The following PKN2 variants were observed in gnomAD, a reference collection of about 807,000 sequenced individuals.
The protein encoded by PKN2 is protein kinase N2, also known as serine/threonine-protein kinase N2.
PKN2 carries 38 observed loss-of-function variants against 119.1 expected under a neutral mutation model. The observed-to-expected ratio is 0.32, with a 90% CI of 0.25 to 0.42. PKN2 has a LOEUF of 0.42. Ranked by LOEUF, PKN2 falls within the 10% of genes least tolerant of loss-of-function variation. The probability of loss-of-function intolerance (pLI) is 1.00; values close to 1 mark genes in which losing one functional copy is unlikely to be tolerated. For missense variants in PKN2, 850 were observed against 1,165.1 expected, an observed-to-expected ratio of 0.73 and a Z score of 3.94; for synonymous variants, 390 against 384.9, an observed-to-expected ratio of 1.01 and a Z score of -0.15.
At chr1:88,803,367 A>C (rs1040779037) in intron 8 of PKN2, among the ~76,000 whole-genome samples, 2 of 152,312 alleles carry the variant, frequency 1.3e-5, no homozygotes, top group African/African-American at 4.8e-5. Flanking sequence ...ACATAATGAA[A>C]TGCATAAGTT....
In PKN2 at chr1:88,735,251, T is replaced by C. The variant is rs559417885; in HGVS notation, c.49-5737T>C. Among the ~76,000 whole-genome samples the C allele has an allele frequency of 9.1e-4, 138 of 152,230 alleles. 1 individual carries two copies. Among genetic ancestry groups the C allele is most frequent in the Non-Finnish European group, 3.2e-4 (22 of 68,010 alleles). On this transcript the variant is annotated intron_variant, in intron 1 of 21. Coordinates refer to ENST00000370521, the MANE Select transcript of PKN2 (RefSeq NM_006256.4). Reference sequence around the variant, plus strand: ...ATGGCTCACTGCAGTCTTGATCTCATGGACTTGAATGATCCTCCCACCCCA... The same window carrying C: ...ATGGCTCACTGCAGTCTTGATCTCACGGACTTGAATGATCCTCCCACCCCA...
intron 2 of PKN2, among the ~76,000 whole-genome samples, chr1:88,748,627 A>G (rs1232068379): frequency 6.6e-6 from 1 of 152,154 alleles, no homozygotes; most frequent in Non-Finnish European, 1.5e-5. Flanking sequence ...TCATGTGGTA[A>G]CATATGTTTA....
At chr1:88,686,699 A>C (rs1557538118) in intron 1 of PKN2, among the ~76,000 whole-genome samples, 1 of 152,136 alleles carries the variant, frequency 6.6e-6, no homozygotes, top group Non-Finnish European at 1.5e-5. Context: ...TACTTATATC[A>C]ACACTTAAAG....
intron 2 of PKN2, among the ~76,000 whole-genome samples, chr1:88,748,577 C>G (rs1444816952): frequency 6.6e-6 from 1 of 152,102 alleles, no homozygotes; most frequent in Non-Finnish European, 1.5e-5. Context: ...ATAAAGTTTT[C>G]AGTTCACTTT....
chr1:88,829,090 C>T lies in PKN2; in HGVS notation c.2562+467C>T, dbSNP rs577836201. On this transcript the variant is annotated intron_variant, in intron 19 of 21. Coordinates refer to ENST00000370521, the MANE Select transcript of PKN2 (RefSeq NM_006256.4). Reference sequence around the variant, plus strand: ...TTCCTGGGGAAGCAAAGTAGAATTTCGTAAGAACAAAATGGATGGAGAGAG... The same window carrying T: ...TTCCTGGGGAAGCAAAGTAGAATTTTGTAAGAACAAAATGGATGGAGAGAG... The T allele has an allele frequency of 5.5e-5, 38 of 693,494 alleles. No individual in the cohort carries two copies. The Middle Eastern group carries it at 7.4e-4, about 13-fold the overall frequency. 43.0% of individuals were successfully genotyped at this position (693,494 alleles called of 1,614,324 possible). A position where few individuals can be genotyped will look rare whatever the true frequency, so the allele number is the denominator to read the frequency against.
intron 2 of PKN2, 99 bp downstream of exon 2, chr1:88,741,387 T>C: frequency 1.3e-6 from 1 of 770,276 alleles, no homozygotes; most frequent in Non-Finnish European, 1.9e-6. Context: ...AGTTTTTAGC[T>C]TTTCTGAAAG....
intron 1 of PKN2, among the ~76,000 whole-genome samples, chr1:88,704,999 T>C (rs906039123): frequency 1.3e-5 from 2 of 152,158 alleles, no homozygotes; most frequent in African/African-American, 2.4e-5. Flanking sequence ...TTCAAATCTT[T>C]TGTCTATTTT....
In PKN2 at chr1:88,766,200, T is replaced by C. The variant is rs1188121831; in HGVS notation, c.505-4152T>C. ...CATCTATATGTCTTCTAGCAAATTA[T>C]AAGCTTCATAGGATAACATTCTGAT... On this transcript the variant is annotated intron_variant, in intron 3 of 21. Coordinates refer to ENST00000370521, the MANE Select transcript of PKN2 (RefSeq NM_006256.4). Among the ~76,000 whole-genome samples the C allele has an allele frequency of 3.3e-5, 5 of 152,364 alleles. No homozygotes were observed. The East Asian group carries it at 9.6e-4, about 29-fold the overall frequency.
chr1:88,814,167 A>G (rs1262253383), intron 16 of PKN2, among the ~76,000 whole-genome samples: 2 of 152,202 alleles, frequency 1.3e-5, no homozygotes, highest in South Asian at 2.1e-4. Context: ...TTAAAAGAAT[A>G]TCAACTATTT....
intron 6 of PKN2, among the ~76,000 whole-genome samples, chr1:88,778,331 C>T (rs1350059331): frequency 6.6e-6 from 1 of 152,158 alleles, no homozygotes; most frequent in Non-Finnish European, 1.5e-5. Flanking sequence ...TCCTTTAATT[C>T]CTGAAGAAGA....
intron 1 of PKN2, among the ~76,000 whole-genome samples, chr1:88,709,983 G>A (rs927925683): frequency 3.3e-5 from 5 of 152,178 alleles, no homozygotes; most frequent in Non-Finnish European, 7.3e-5. Flanking sequence ...GGAGGTGGGT[G>A]ATTGTGGATT....
chr1:88,818,882 A>C (rs1420533937), intron 16 of PKN2, among the ~76,000 whole-genome samples: 2 of 152,166 alleles, frequency 1.3e-5, no homozygotes, highest in East Asian at 3.9e-4. Context: ...CCACACATCT[A>C]CAACCATCTC....
intron 1 of PKN2, among the ~76,000 whole-genome samples, chr1:88,687,263 C>T (rs1570473584): frequency 6.6e-6 from 1 of 152,060 alleles, no homozygotes. Flanking sequence ...GCTTATTCAA[C>T]AAGGAAGCAT....
intron 16 of PKN2, among the ~76,000 whole-genome samples, chr1:88,819,838 A>G (rs1477837597): frequency 6.6e-6 from 1 of 152,120 alleles, no homozygotes; most frequent in Non-Finnish European, 1.5e-5. Context: ...ATAAAAAATG[A>G]TGAGTTCATG....
chr1:88,684,684 C>G, intron 1 of PKN2, 56 bp downstream of exon 1: 1 of 1,421,132 alleles, frequency 7.0e-7, no homozygotes. Context: ...GAGAGAGCCC[C>G]GCGCGGCGTC....
chr1:88,780,969 CAT>C (rs1670314738), intron 6 of PKN2: 1 of 456,434 alleles, frequency 2.2e-6, no homozygotes, highest in Admixed American at 6.4e-5. Flanking sequence ...TTCCTCATTC[CAT>C]TACTGAACTT....
chr1:88,827,618 C>T (rs1462419802), intron 18 of PKN2, among the ~76,000 whole-genome samples: 1 of 36,184 alleles, frequency 2.8e-5, no homozygotes, highest in African/African-American at 7.8e-5. Flanking sequence ...CCTCCCCTTC[C>T]CTTCCCTTCC....
chr1:88,816,215 A>C (rs1336193415), intron 16 of PKN2, among the ~76,000 whole-genome samples: 5 of 152,162 alleles, frequency 3.3e-5, no homozygotes, highest in African/African-American at 1.2e-4. Context: ...AAGTTTGCTA[A>C]GAAAATTATG....
chr1:88,810,601 G>C (rs1391686414), intron 15 of PKN2, among the ~76,000 whole-genome samples: 1 of 151,916 alleles, frequency 6.6e-6, no homozygotes, highest in Non-Finnish European at 1.5e-5. Flanking sequence ...GCTGTTCCTA[G>C]TATACTTTAT....
Sources: gnomAD v4.1 joint callset for allele counts (sites outside exome capture counted in the v4.1 genomes callset) on GRCh38, gnomAD v4.1.1 for gene constraint, MANE v1.5 for transcripts, NCBI Gene and HGNC (gene_info 2026-07-23, HGNC 2026-07-21) for gene names.